The following SEMA3F variants were observed in gnomAD, a reference collection of about 807,000 sequenced individuals.
SEMA3F encodes the protein semaphorin 3F, also known as semaphorin-3F.
A neutral mutation model predicts 98.5 loss-of-function variants in SEMA3F; 30 were observed. The ratio of observed to expected loss-of-function variants is 0.30; its 90% CI spans 0.23 to 0.41. SEMA3F has a LOEUF of 0.41. SEMA3F is among the 10% of genes least tolerant of loss of function. The pLI is 1.00. For synonymous variants in SEMA3F, 380 were observed against 444.8 expected (o/e 0.85, Z 1.83); for missense variants, 866 against 1,119.3 (o/e 0.77, Z 3.23).
intron 2 of SEMA3F, among the ~76,000 whole-genome samples, chr3:50,165,432 C>CT (rs1381019252): frequency 6.6e-6 from 1 of 152,238 alleles, no homozygotes; most frequent in East Asian, 1.9e-4. Flanking sequence ...TCCCTAGAGA[C>CT]TGGCTCCAAG....
At chr3:50,178,924 C>T (rs1489557843) in intron 7 of SEMA3F, among the ~76,000 whole-genome samples, 2 of 149,222 alleles carry the variant, frequency 1.3e-5, no homozygotes, top group African/African-American at 2.5e-5. Flanking sequence ...TTCCGCCTCC[C>T]GGGTTCACGC....
intron 15 of SEMA3F, 36 bp from the exon 16 acceptor site, chr3:50,185,853 G>A: frequency 1.2e-6 from 2 of 1,607,184 alleles, no homozygotes. Context: ...GCTGGCTATG[G>A]GACAGGAACT....
At chr3:50,172,086 C>T (rs184033091) in intron 2 of SEMA3F, among the ~76,000 whole-genome samples, 1 of 152,310 alleles carries the variant, frequency 6.6e-6, no homozygotes, top group East Asian at 1.9e-4. Context: ...CAGCTGTTCT[C>T]CCCCTCCAGG....
At chr3:50,167,694 C>T (rs1442261886) in intron 2 of SEMA3F, among the ~76,000 whole-genome samples, 3 of 152,150 alleles carry the variant, frequency 2.0e-5, no homozygotes. Context: ...GCAAAGGGGC[C>T]CCTCGTTGCA....
At chr3:50,180,865 G>A (rs561192498) in intron 7 of SEMA3F, among the ~76,000 whole-genome samples, 5 of 152,198 alleles carry the variant, frequency 3.3e-5, no homozygotes, top group South Asian at 4.2e-4. Flanking sequence ...TCAGGAGTTC[G>A]AGACCAGCCT....
At chr3:50,164,263 G>A (rs1241904224) in intron 2 of SEMA3F, among the ~76,000 whole-genome samples, 1 of 152,200 alleles carries the variant, frequency 6.6e-6, no homozygotes, top group Admixed American at 6.5e-5. Context: ...GCTTCCCTTG[G>A]CACTAAGTGA....
At position 50,166,184 on chromosome 3, in the gene SEMA3F, C is replaced by T. The variant is rs1183025002; in HGVS notation, c.112+6450C>T. On this transcript the variant is annotated intron_variant, in intron 2 of 18. Coordinates refer to ENST00000002829, the MANE Select transcript of SEMA3F (RefSeq NM_004186.5). The surrounding 1 kb of genome is among the most constrained non-coding windows in gnomAD (Gnocchi z 4.7). ...TTCCTACCCGGACATGCTCTTTCCT[C>T]GGACGTCTCTGTACCCAGCCAAGAG... Among the ~76,000 whole-genome samples the T allele has an allele frequency of 2.0e-5, 3 of 151,812 alleles. No homozygotes were observed. Among genetic ancestry groups the T allele is most frequent in the African/African-American group, 4.8e-5 (2 of 41,278 alleles).
chr3:50,167,699 G>A (rs576089717), intron 2 of SEMA3F, among the ~76,000 whole-genome samples: 4 of 152,298 alleles, frequency 2.6e-5, no homozygotes, highest in Middle Eastern at 3.4e-3. Context: ...GGGGCCCCTC[G>A]TTGCAGGGGA....
intron 2 of SEMA3F, among the ~76,000 whole-genome samples, chr3:50,165,550 T>A (rs1417326983): frequency 1.3e-5 from 2 of 152,196 alleles, no homozygotes; most frequent in Non-Finnish European, 2.9e-5. Flanking sequence ...CACTCAGGCA[T>A]CTGCAGGGCT....
intron 4 of SEMA3F, 35 bp downstream of exon 4, chr3:50,174,149 A>G (rs773036031): frequency 1.4e-5 from 22 of 1,613,764 alleles, no homozygotes; most frequent in Non-Finnish European, 1.8e-5. Flanking sequence ...GGGAAGGGGG[A>G]ATCCACAGGT....
chr3:50,179,429 G>A (rs945865132), intron 7 of SEMA3F, among the ~76,000 whole-genome samples: 2 of 151,174 alleles, frequency 1.3e-5, no homozygotes, highest in African/African-American at 4.9e-5. Flanking sequence ...GGGTTCAAGC[G>A]ATTCTCCTGC....
At chr3:50,167,920 G>A (rs1698463845) in intron 2 of SEMA3F, among the ~76,000 whole-genome samples, 1 of 152,222 alleles carries the variant, frequency 6.6e-6, no homozygotes, top group African/African-American at 2.4e-5. Flanking sequence ...GCTCTAGGTG[G>A]TGAAATACGG....
intron 18 of SEMA3F, among the ~76,000 whole-genome samples, chr3:50,187,422 C>CAAAA (rs901489365): frequency 6.8e-5 from 4 of 58,908 alleles, no homozygotes; most frequent in African/African-American, 1.1e-4. Context: ...GACCTTGTCT[C>CAAAA]AAAAAAAAAA....
chr3:50,181,429 T>G (rs1472996279), intron 7 of SEMA3F, among the ~76,000 whole-genome samples: 1 of 151,724 alleles, frequency 6.6e-6, no homozygotes, highest in Non-Finnish European at 1.5e-5. Flanking sequence ...TTAAGGGATC[T>G]TCCTGCCTCA....
intron 13 of SEMA3F, 151 bp from the exon 14 acceptor site, chr3:50,185,292 C>T (rs566198295): frequency 6.9e-6 from 5 of 727,398 alleles, no homozygotes; most frequent in East Asian, 5.5e-5. Flanking sequence ...GGGCCAGTCC[C>T]CTTTGACCTG....
chr3:50,165,338 T>C (rs1264913188), intron 2 of SEMA3F, among the ~76,000 whole-genome samples: 2 of 152,208 alleles, frequency 1.3e-5, no homozygotes. Context: ...CTCTTTTTCC[T>C]CATGGCAGAG....
At chr3:50,157,902 C>G (rs532068284) in intron 1 of SEMA3F, among the ~76,000 whole-genome samples, 3 of 152,154 alleles carry the variant, frequency 2.0e-5, no homozygotes, top group Non-Finnish European at 2.9e-5. Flanking sequence ...GCCCCCGTTA[C>G]ATAGTATCGA....
At position 50,182,134 on chromosome 3, in the gene SEMA3F, G is replaced by T. The variant is rs1450136840; in HGVS notation, c.644-150G>T. 2.3e-5 allele frequency: 21 copies of T among 920,914 alleles called. No homozygotes were observed. In the Admixed American group the frequency reaches 4.5e-4, roughly 20 times the overall value. 57.0% of individuals were successfully genotyped at this position (920,914 alleles called of 1,614,324 possible). Reference sequence around the variant, plus strand: ...AATCCCAACCCTCCCAGAGCCAGTGGTGAAACACTGACCAGCACTCCACTG... The same window carrying T: ...AATCCCAACCCTCCCAGAGCCAGTGTTGAAACACTGACCAGCACTCCACTG... On this transcript the variant is annotated intron_variant, in intron 7 of 18. Coordinates refer to ENST00000002829, the MANE Select transcript of SEMA3F (RefSeq NM_004186.5). This position sits in a 1 kb window ranked among gnomAD's most constrained non-coding sequence, Gnocchi z 4.5.
At chr3:50,181,486 T>G (rs1699014637) in intron 7 of SEMA3F, among the ~76,000 whole-genome samples, 1 of 149,756 alleles carries the variant, frequency 6.7e-6, no homozygotes, top group Non-Finnish European at 1.5e-5. Context: ...CACGCTCAGC[T>G]AATTTTTTTG....
Sources: gnomAD v4.1 joint callset for allele counts (sites outside exome capture counted in the v4.1 genomes callset) on GRCh38, gnomAD v4.1.1 for gene constraint, Gnocchi (gnomAD v3.1) non-coding constraint, MANE v1.5 for transcripts, NCBI Gene and HGNC (gene_info 2026-07-23, HGNC 2026-07-21) for gene names.